NRP1: variants seen among roughly 807,000 people sequenced by gnomAD.
NRP1 encodes the protein neuropilin 1.
A neutral mutation model predicts 106.7 loss-of-function variants in NRP1; 35 were observed. The ratio of observed to expected loss-of-function variants is 0.33; its 90% CI spans 0.25 to 0.43. The LOEUF (loss-of-function observed/expected upper bound fraction) is 0.43, where lower values mean the gene tolerates loss of function less well. Ranked by LOEUF, NRP1 falls within the 20% of genes least tolerant of loss-of-function variation. NRP1 has a pLI of 1.00. For missense variants in NRP1, 1,024 were observed against 1,170.4 expected (o/e 0.87, Z 1.83); for synonymous variants, 437 against 417.9 (o/e 1.05, Z -0.56).
intron 3 of NRP1, 145 bp downstream of exon 3, chr10:33,270,530 T>C: frequency 1.7e-6 from 1 of 575,846 alleles, no homozygotes; most frequent in East Asian, 3.2e-5. Flanking sequence ...TTTCACCATG[T>C]TGGCCAGGCT....
intron 13 of NRP1, among the ~76,000 whole-genome samples, chr10:33,188,428 A>C (rs1414848930): frequency 6.6e-6 from 1 of 152,078 alleles, no homozygotes; most frequent in Non-Finnish European, 1.5e-5. Flanking sequence ...CCCCTCCTTC[A>C]TACCTGTATT....
intron 2 of NRP1, among the ~76,000 whole-genome samples, chr10:33,313,585 C>A (rs540154014): frequency 6.6e-6 from 1 of 152,266 alleles, no homozygotes; most frequent in African/African-American, 2.4e-5. Context: ...AATCCTGTTA[C>A]TTTAGAGACA....
chr10:33,185,053 C>CCA (rs1835912723), intron 15 of NRP1, among the ~76,000 whole-genome samples: 1 of 152,192 alleles, frequency 6.6e-6, no homozygotes, highest in Admixed American at 6.5e-5. Context: ...CTTACATCCA[C>CCA]CTAGTACAAG....
chr10:33,262,938 C>T (rs1842673411), intron 4 of NRP1, among the ~76,000 whole-genome samples: 1 of 152,160 alleles, frequency 6.6e-6, no homozygotes, highest in Admixed American at 6.5e-5. Flanking sequence ...CTCCAAAGGG[C>T]AGCATCTTTC....
rs75402040 is a variant in NRP1 at position 33,210,815 on chromosome 10, G to A, written c.1614+2571C>T. On this transcript the variant is annotated intron_variant, in intron 9 of 16. Transcript: ENST00000374867. ...TAAAAGGTACTTGGCATCTTAAGAGGTAGCCTTCACTTGTAAAATTAAATA... is the reference window on the plus strand; with the variant it reads ...TAAAAGGTACTTGGCATCTTAAGAGATAGCCTTCACTTGTAAAATTAAATA... 5.0e-3 allele frequency among the ~76,000 whole-genome samples: 764 copies of A among 152,288 alleles called. 6 individuals carry two copies. Among genetic ancestry groups the A allele is most frequent in the African/African-American group, 0.017 (724 of 41,552 alleles).
In NRP1 at chr10:33,206,331, T is replaced by G. The variant is rs76959785; in HGVS notation, c.1759+1241A>C. The stretch of plus-strand genomic sequence containing the variant: ...TTGCCAAAGCCCTGGCACATGGACA[T>G]TCTTGGTCTGTGTTGATAGTGCCTG... On this transcript the variant is annotated intron_variant, in intron 10 of 16. Transcript: ENST00000374867. The G allele has an allele frequency of 1.1e-3, 563 of 519,002 alleles. 9 individuals carry two copies. In the East Asian group the frequency reaches 0.026, roughly 24 times the overall value. The allele number at this position is 519,002 out of a possible 1,614,324, so 32.1% of individuals were successfully genotyped here. A position where few individuals can be genotyped will look rare whatever the true frequency, so the allele number is the denominator to read the frequency against.
At chr10:33,197,506 A>T in intron 12 of NRP1, 144 bp downstream of exon 12, 1 of 516,620 alleles carries the variant, frequency 1.9e-6, no homozygotes, top group Non-Finnish European at 3.4e-6. Flanking sequence ...AAAGGAAAGC[A>T]ATATTTATGG....
chr10:33,309,652 CT>C (rs1358491479), intron 2 of NRP1, among the ~76,000 whole-genome samples: 4 of 152,226 alleles, frequency 2.6e-5, no homozygotes, highest in Admixed American at 6.5e-5. Context: ...TAGCAAGACA[CT>C]GTTGTAACTG....
At chr10:33,274,067 C>A (rs557504075) in intron 2 of NRP1, among the ~76,000 whole-genome samples, 3 of 152,180 alleles carry the variant, frequency 2.0e-5, no homozygotes, top group African/African-American at 7.2e-5. Context: ...TACCTTAAAC[C>A]TTCCCCATTC....
intron 6 of NRP1, 139 bp from the exon 7 acceptor site, chr10:33,226,428 C>T (rs1307417606): frequency 2.6e-6 from 2 of 775,990 alleles, no homozygotes; most frequent in Non-Finnish European, 4.0e-6. Context: ...TGTCCACAGT[C>T]CCTGACTCCT....
intron 3 of NRP1, among the ~76,000 whole-genome samples, chr10:33,269,157 A>C (rs1478708035): frequency 1.3e-5 from 2 of 152,234 alleles, no homozygotes; most frequent in Non-Finnish European, 2.9e-5. Flanking sequence ...TTTTCTATAC[A>C]TTAATGCCAA....
chr10:33,298,062 CAT>C (rs145135352), intron 2 of NRP1, among the ~76,000 whole-genome samples: 4,046 of 152,274 alleles, frequency 0.027, 87 homozygotes, highest in Non-Finnish European at 0.033. Context: ...CGAAAATACA[CAT>C]GTTTGTATGG....
chr10:33,273,051 G>A (rs893560245), intron 2 of NRP1, among the ~76,000 whole-genome samples: 6 of 121,206 alleles, frequency 5.0e-5, no homozygotes, highest in African/African-American at 9.7e-5. Flanking sequence ...GCTCCTCTTG[G>A]CAAAAGTAGA....
chr10:33,277,502 G>A (rs982742077), intron 2 of NRP1, among the ~76,000 whole-genome samples: 4 of 152,188 alleles, frequency 2.6e-5, no homozygotes, highest in African/African-American at 9.7e-5. Context: ...TGCCACCAGC[G>A]CTGCCACCAG....
intron 5 of NRP1, among the ~76,000 whole-genome samples, chr10:33,254,911 C>T (rs1014608022): frequency 6.6e-6 from 1 of 152,276 alleles, no homozygotes; most frequent in African/African-American, 2.4e-5. Context: ...GGACATGTCC[C>T]TGGAGGGAGG....
rs1226075084 is a variant in NRP1 at position 33,182,689 on chromosome 10, C to A, written c.2482+9G>T. ...ATTTTTTAAAAATTGGTCAGCAAGA[C>A]AAATTTACCTGTTTCATCAATTTTA... On this transcript the variant is annotated intron_variant, in intron 16 of 16. Transcript: ENST00000374867. 8.7e-6 allele frequency: 14 copies of A among 1,608,984 alleles called. No homozygotes were observed. The highest frequency in any genetic ancestry group is 1.2e-5 in the Non-Finnish European group (14 of 1,176,596).
chr10:33,199,104 T>C (rs1181039973), intron 11 of NRP1, among the ~76,000 whole-genome samples: 1 of 152,004 alleles, frequency 6.6e-6, no homozygotes, highest in Non-Finnish European at 1.5e-5. Context: ...TGCCCAACCA[T>C]AAGAATCACC....
chr10:33,249,084 G>GGTTT (rs1320176756), intron 6 of NRP1, among the ~76,000 whole-genome samples: 3 of 72,198 alleles, frequency 4.2e-5, no homozygotes, highest in African/African-American at 1.7e-4. Flanking sequence ...TATGTCTCTT[G>GGTTT]TTTTTTTTTT....
chr10:33,254,811 C>T (rs1402039055), intron 5 of NRP1, among the ~76,000 whole-genome samples: 2 of 152,066 alleles, frequency 1.3e-5, no homozygotes, highest in East Asian at 3.9e-4. Flanking sequence ...TCACACGGCC[C>T]CAAAGCACCA....
Sources: allele counts gnomAD v4.1 joint callset (sites outside exome capture counted in the v4.1 genomes callset), GRCh38; gene constraint gnomAD v4.1.1; transcripts MANE v1.5; gene names NCBI Gene and HGNC (gene_info 2026-07-23, HGNC 2026-07-21).